Variants in CELF1 observed in about 807,000 individuals in gnomAD.
CELF1 encodes 50 kDa nuclear polyadenylated RNA-binding protein.
In CELF1, 10 loss-of-function variants were observed where a neutral mutation model predicts 61.8. The ratio of observed to expected loss-of-function variants is 0.16; its 90% confidence interval spans 0.10 to 0.27. The LOEUF (loss-of-function observed/expected upper bound fraction) is 0.27, where lower values mean the gene tolerates loss of function less well. CELF1 is among the 10% of genes least tolerant of loss of function. CELF1 has a pLI of 1.00. For synonymous variants in CELF1, 236 were observed against 225.1 expected, an observed-to-expected ratio of 1.05 and a Z score of -0.43; for missense variants, 380 against 639.1, an observed-to-expected ratio of 0.59 and a Z score of 4.37.
At chr11:47,563,325 G>A (rs551516428) in intron 2 of CELF1, among the ~76,000 whole-genome samples, 3 of 152,298 alleles carry the variant, frequency 2.0e-5, no homozygotes, top group African/African-American at 7.2e-5. Flanking sequence ...AAGGCTGGAG[G>A]ATGATTGGGA....
chr11:47,535,317 T>A (rs983018923), intron 1 of CELF1, among the ~76,000 whole-genome samples: 2 of 151,224 alleles, frequency 1.3e-5, no homozygotes, highest in African/African-American at 4.9e-5. Context: ...AAAAAAAAAA[T>A]GGTTCTATGG....
chr11:47,490,743 A>AAAC (rs749090812), intron 3 of CELF1, among the ~76,000 whole-genome samples: 5 of 152,124 alleles, frequency 3.3e-5, no homozygotes, highest in Admixed American at 6.6e-5. Flanking sequence ...AGTTCTCTTT[A>AAAC]AACAACAACA....
At chr11:47,472,444 T>C in intron 14 of CELF1, 87 bp from the exon 15 acceptor site, 1 of 1,399,222 alleles carries the variant, frequency 7.1e-7, no homozygotes. Flanking sequence ...CTTATGTGCT[T>C]CATCTCAAAT....
intron 8 of CELF1, 140 bp from the exon 9 acceptor site, chr11:47,482,996 A>G: frequency 1.2e-6 from 1 of 802,842 alleles, no homozygotes; most frequent in South Asian, 1.9e-5. Context: ...CACAAGAGAG[A>G]AGAGACTGTA....
intron 1 of CELF1, among the ~76,000 whole-genome samples, chr11:47,541,364 T>C (rs1467201124): frequency 6.6e-6 from 1 of 152,128 alleles, no homozygotes; most frequent in Non-Finnish European, 1.5e-5. Context: ...TTAATGATTA[T>C]TTTGCTAAAG....
intron 1 of CELF1, among the ~76,000 whole-genome samples, chr11:47,512,291 T>C (rs1465090170): frequency 6.6e-6 from 1 of 152,126 alleles, no homozygotes; most frequent in Non-Finnish European, 1.5e-5. Context: ...TAGCTGGGAC[T>C]ACAGGCACTG....
intron 2 of CELF1, among the ~76,000 whole-genome samples, chr11:47,561,312 G>T (rs1353022636): frequency 6.6e-6 from 1 of 151,078 alleles, no homozygotes; most frequent in Admixed American, 6.6e-5. Flanking sequence ...GTGTGGTAGC[G>T]GGCGCCTGTA....
intron 1 of CELF1, among the ~76,000 whole-genome samples, chr11:47,550,658 T>C (rs543779512): frequency 5.3e-5 from 8 of 152,208 alleles, no homozygotes; most frequent in Admixed American, 2.6e-4. Flanking sequence ...GGTGGCACTA[T>C]GGGTGAGTTT....
intron 1 of CELF1, among the ~76,000 whole-genome samples, chr11:47,545,113 C>T (rs2096899543): frequency 6.6e-6 from 1 of 151,882 alleles, no homozygotes. Flanking sequence ...GCCAACATGG[C>T]GAAACCCCAT....
intron 1 of CELF1, among the ~76,000 whole-genome samples, chr11:47,538,847 T>C (rs1430736237): frequency 1.3e-5 from 2 of 152,126 alleles, no homozygotes; most frequent in African/African-American, 4.8e-5. Flanking sequence ...CTTATTAACA[T>C]TTCTCAAAGA....
chr11:47,536,339 G>A (rs1565898978), intron 1 of CELF1, among the ~76,000 whole-genome samples: 1 of 152,274 alleles, frequency 6.6e-6, no homozygotes, highest in East Asian at 1.9e-4. Flanking sequence ...GTACTCCATC[G>A]TGGGCGACAA....
In CELF1 at chr11:47,470,436, G is replaced by A. The variant is rs940162094; in HGVS notation, c.*1794C>T. 4.6e-5 allele frequency: 7 copies of A among 151,884 alleles called. No individual in the cohort carries two copies. The highest frequency in any genetic ancestry group is 1.7e-4 in the African/African-American group (7 of 41,318). The allele number at this position is 151,884 out of a possible 1,614,324, so 9.4% of individuals were successfully genotyped here. On this transcript the variant is annotated 3_prime_UTR_variant, in exon 15 of 15. Coordinates refer to ENST00000687097, the MANE Select transcript of CELF1 (RefSeq NM_001376376.1). ...CCAGTGCGCAGAATTTCAAGTTTAC[G>A]TGGTTCAGCTTAAGAAGTGTATGTT... is the stretch of plus-strand genomic sequence containing the variant.
chr11:47,521,643 A>G (rs2095893840), intron 1 of CELF1, among the ~76,000 whole-genome samples: 1 of 152,260 alleles, frequency 6.6e-6, no homozygotes, highest in Admixed American at 6.5e-5. Context: ...CATTTAGAAT[A>G]GTGCCTGACA....
intron 3 of CELF1, chr11:47,494,342 G>A (rs1596787095): frequency 1.0e-6 from 1 of 964,394 alleles, no homozygotes; most frequent in Non-Finnish European, 1.2e-6. Context: ...TGAGGAGGTA[G>A]TTACTCTCAT....
chr11:47,474,479 C>T (rs748465796), intron 13 of CELF1, among the ~76,000 whole-genome samples: 2 of 152,228 alleles, frequency 1.3e-5, no homozygotes, highest in South Asian at 2.1e-4. Context: ...TCTCTCTTCC[C>T]GGCTTGTCAT....
intron 1 of CELF1, among the ~76,000 whole-genome samples, chr11:47,532,398 T>C (rs2096506601): frequency 6.6e-6 from 1 of 152,204 alleles, no homozygotes; most frequent in African/African-American, 2.4e-5. Flanking sequence ...AAAACTATCT[T>C]CCCTTTGAAC....
intron 1 of CELF1, among the ~76,000 whole-genome samples, chr11:47,541,154 T>C (rs1186293422): frequency 8.5e-5 from 13 of 152,118 alleles, no homozygotes; most frequent in Non-Finnish European, 1.6e-4. Context: ...AAATTATCTG[T>C]ACAAAACAGA....
intron 1 of CELF1, among the ~76,000 whole-genome samples, chr11:47,550,509 A>G (rs893570196): frequency 2.6e-5 from 4 of 152,102 alleles, no homozygotes; most frequent in African/African-American, 9.7e-5. Flanking sequence ...GCAAGACTCC[A>G]TGGCGGGGTT....
chr11:47,515,833 G>A (rs1356523150), intron 1 of CELF1, among the ~76,000 whole-genome samples: 1 of 152,200 alleles, frequency 6.6e-6, no homozygotes, highest in Non-Finnish European at 1.5e-5. Flanking sequence ...TTGAGTCACA[G>A]TGCTGTATTT....
Sources: allele counts gnomAD v4.1 joint callset (sites outside exome capture counted in the v4.1 genomes callset), GRCh38; gene constraint gnomAD v4.1.1; transcripts MANE v1.5; gene names NCBI Gene and HGNC (gene_info 2026-07-23, HGNC 2026-07-21).